TBC1D12: variants seen among roughly 807,000 people sequenced by gnomAD.
The protein encoded by TBC1D12 is TBC1 domain family, member 12.
In TBC1D12, 56 loss-of-function variants were observed where a neutral mutation model predicts 86.7. The observed-to-expected ratio is 0.65, with a 90% CI of 0.52 to 0.81. TBC1D12 has a LOEUF of 0.81. TBC1D12 is among the 30% of genes least tolerant of loss of function. The probability of loss-of-function intolerance (pLI) is 0.00; values close to 1 mark genes in which losing one functional copy is unlikely to be tolerated. For missense variants in TBC1D12, 1,023 were observed against 1,038.8 expected, an observed-to-expected ratio of 0.98 and a Z score of 0.21; for synonymous variants, 421 against 411.7, an observed-to-expected ratio of 1.02 and a Z score of -0.27.
At chr10:94,458,969 C>T (rs528258165) in intron 2 of TBC1D12, among the ~76,000 whole-genome samples, 16 of 152,216 alleles carry the variant, frequency 1.1e-4, no homozygotes, top group African/African-American at 2.2e-4. Flanking sequence ...GCTTCCACAG[C>T]GTGGAAGGGG....
chr10:94,410,975 T>C (rs577665485), intron 1 of TBC1D12, among the ~76,000 whole-genome samples: 63 of 152,270 alleles, frequency 4.1e-4, no homozygotes, highest in Non-Finnish European at 6.2e-4. Flanking sequence ...ATTTACTGGT[T>C]AAATACTACA....
At chr10:94,431,427 AAAAG>A (rs1157109814) in intron 1 of TBC1D12, among the ~76,000 whole-genome samples, 2 of 64,600 alleles carry the variant, frequency 3.1e-5, no homozygotes, top group African/African-American at 8.9e-5. Context: ...AAAAAAAAAG[AAAAG>A]AAAGAAAATA....
At chr10:94,412,423 A>T (rs1378475221) in intron 1 of TBC1D12, among the ~76,000 whole-genome samples, 1 of 152,252 alleles carries the variant, frequency 6.6e-6, no homozygotes, top group Non-Finnish European at 1.5e-5. Flanking sequence ...AACATAATTT[A>T]TACATGGGAT....
chr10:94,493,544 CT>C, intron 4 of TBC1D12, 97 bp downstream of exon 4: 30 of 942,174 alleles, frequency 3.2e-5, no homozygotes, highest in Admixed American at 5.1e-5. Flanking sequence ...ATACTGAATT[CT>C]TTTTTTTATT....
rs904740723 is a variant in TBC1D12 at position 94,535,069 on chromosome 10, A to G, written c.*1973A>G. 2 of 152,178 alleles carry G rather than the reference A, an allele frequency of 1.3e-5. No homozygotes were observed. Among genetic ancestry groups the G allele is most frequent in the Non-Finnish European group, 2.9e-5 (2 of 68,020 alleles). The allele number at this position is 152,178 out of a possible 1,614,324, so 9.4% of individuals were successfully genotyped here. A position where few individuals can be genotyped will look rare whatever the true frequency, so the allele number is the denominator to read the frequency against. Reference sequence around the variant, plus strand: ...GATGTATTTCCTGAGCTCTAGTACCATATCATAGAATTAGTTAAATGTAGT... The same window carrying G: ...GATGTATTTCCTGAGCTCTAGTACCGTATCATAGAATTAGTTAAATGTAGT... On this transcript the variant is annotated 3_prime_UTR_variant, in exon 13 of 13. Transcript: ENST00000225235.
At chr10:94,418,505 T>G (rs904986376) in intron 1 of TBC1D12, among the ~76,000 whole-genome samples, 1 of 152,150 alleles carries the variant, frequency 6.6e-6, no homozygotes, top group Non-Finnish European at 1.5e-5. Context: ...TCTCAATTTC[T>G]GTAGAACTAG....
intron 2 of TBC1D12, among the ~76,000 whole-genome samples, chr10:94,462,161 G>C (rs2055739189): frequency 6.6e-6 from 1 of 152,168 alleles, no homozygotes; most frequent in Non-Finnish European, 1.5e-5. Context: ...TCATCATTTA[G>C]TAAGTTGAGG....
chr10:94,521,955 G>A lies in TBC1D12; in HGVS notation c.1762G>A (p.Val588Ile). ...TGACTAAATTTTTCTCCCTTTGAAG[G>A]TCCAAGGGATGTCCTTCATTGCAGC... Reference protein sequence around the residue: ...YTCYRPDVGYVQGMSFIAAVL... With the variant: ...YTCYRPDVGYIQGMSFIAAVL... Residue 588 changes from valine (V) to isoleucine (I), a missense_variant and splice_region_variant, in exon 10 of 13, where the codon GTC (valine) becomes ATC (isoleucine). Val to Ile is a conservative substitution (Grantham distance 29). Around this residue, in one of 2 missense-constraint regions of TBC1D12, gnomAD observed 395 missense variants for 507.7 expected, o/e 0.78. Transcript: ENST00000225235. 1 of 1,600,208 alleles carries A rather than the reference G, an allele frequency of 6.2e-7. No homozygotes were observed. The highest frequency in any genetic ancestry group is 8.5e-7 in the Non-Finnish European group (1 of 1,170,794).
chr10:94,524,924 C>T (rs990668745), intron 11 of TBC1D12, among the ~76,000 whole-genome samples: 2 of 151,908 alleles, frequency 1.3e-5, no homozygotes, highest in Non-Finnish European at 2.9e-5. Flanking sequence ...CTCCTGGGCT[C>T]AAGCATTCCT....
At chr10:94,418,713 A>G (rs1589603190) in intron 1 of TBC1D12, among the ~76,000 whole-genome samples, 1 of 151,252 alleles carries the variant, frequency 6.6e-6, no homozygotes, top group African/African-American at 2.4e-5. Flanking sequence ...CTGGGATTAC[A>G]GTCACATGCC....
chr10:94,408,947 T>A (rs961342771), intron 1 of TBC1D12, among the ~76,000 whole-genome samples: 5 of 152,230 alleles, frequency 3.3e-5, no homozygotes, highest in Non-Finnish European at 7.3e-5. Context: ...TGTGCTACTA[T>A]AATTAATGTT....
At chr10:94,463,399 G>A (rs189291708) in intron 2 of TBC1D12, among the ~76,000 whole-genome samples, 7 of 152,270 alleles carry the variant, frequency 4.6e-5, no homozygotes, top group East Asian at 1.9e-4. Context: ...AATGCAGGGC[G>A]TCATGTGGCA....
chr10:94,524,238 T>C (rs1842228333), intron 11 of TBC1D12, among the ~76,000 whole-genome samples: 1 of 152,002 alleles, frequency 6.6e-6, no homozygotes, highest in Admixed American at 6.6e-5. Context: ...CAAGGGGAGA[T>C]TTTGGGAAGC....
chr10:94,439,576 C>A (rs1319447508), intron 1 of TBC1D12, among the ~76,000 whole-genome samples: 1 of 152,172 alleles, frequency 6.6e-6, no homozygotes, highest in African/African-American at 2.4e-5. Flanking sequence ...GGGCATCGAG[C>A]TAAGCAGAAT....
chr10:94,443,980 G>A (rs1255556549), intron 2 of TBC1D12, among the ~76,000 whole-genome samples: 2 of 152,040 alleles, frequency 1.3e-5, no homozygotes, highest in Non-Finnish European at 2.9e-5. Flanking sequence ...GAGCAGCTTG[G>A]CCAACATGGT....
intron 1 of TBC1D12, among the ~76,000 whole-genome samples, chr10:94,433,661 G>C (rs1177882883): frequency 6.6e-6 from 1 of 152,112 alleles, no homozygotes; most frequent in Non-Finnish European, 1.5e-5. Context: ...AGAATTTTCT[G>C]ATCTGTAGTT....
At chr10:94,446,199 T>C (rs2055459458) in intron 2 of TBC1D12, among the ~76,000 whole-genome samples, 1 of 152,236 alleles carries the variant, frequency 6.6e-6, no homozygotes, top group South Asian at 2.1e-4. Context: ...CTCTAGAAGA[T>C]TATGAATATA....
intron 2 of TBC1D12, among the ~76,000 whole-genome samples, chr10:94,448,921 T>G (rs1035951886): frequency 6.6e-6 from 1 of 152,242 alleles, no homozygotes; most frequent in African/African-American, 2.4e-5. Context: ...TAAATTATTA[T>G]GCATTTCTGT....
chr10:94,509,701 GT>G, intron 7 of TBC1D12: 1 of 193,980 alleles, frequency 5.2e-6, no homozygotes, highest in Non-Finnish European at 1.0e-5. Flanking sequence ...ATGGACACTG[GT>G]GTCTACTCAC....
Sources: allele counts gnomAD v4.1 joint callset (sites outside exome capture counted in the v4.1 genomes callset), GRCh38; gene constraint gnomAD v4.1.1; regional missense constraint gnomAD v4.1.1; transcripts MANE v1.5; gene names NCBI Gene and HGNC (gene_info 2026-07-23, HGNC 2026-07-21).